PIKFYVE: variants seen among roughly 807,000 people sequenced by gnomAD.
The protein encoded by PIKFYVE is phosphoinositide kinase, FYVE-type zinc finger containing, also known as 1-phosphatidylinositol 3-phosphate 5-kinase.
Under a neutral mutation model 257.9 loss-of-function variants are expected in PIKFYVE, and 122 were observed. The observed-to-expected ratio is 0.47, with a 90% CI of 0.41 to 0.55. The LOEUF (loss-of-function observed/expected upper bound fraction) is 0.55, where lower values mean the gene tolerates loss of function less well. PIKFYVE is among the 20% of genes least tolerant of loss of function. The pLI is 0.00. For missense variants in PIKFYVE, 2,160 were observed against 2,536.6 expected, an observed-to-expected ratio of 0.85 and a Z score of 3.19; for synonymous variants, 892 against 868.9, an observed-to-expected ratio of 1.03 and a Z score of -0.47.
intron 7 of PIKFYVE, among the ~76,000 whole-genome samples, chr2:208,292,772 C>G (rs1346714840): frequency 6.6e-6 from 1 of 151,772 alleles, no homozygotes; most frequent in Non-Finnish European, 1.5e-5. Flanking sequence ...CATTTTGACC[C>G]TTCACTTATT....
chr2:208,357,404 C>G lies in PIKFYVE; in HGVS notation c.*2099C>G, dbSNP rs899352034. On this transcript the variant is annotated 3_prime_UTR_variant, in exon 42 of 42. Coordinates refer to ENST00000264380, the MANE Select transcript of PIKFYVE (RefSeq NM_015040.4). ...TAGGTTGTTTCTTTGTTTTTAGTTTCAATTCTATGTGCATAGCAGGAATGC... is the reference window on the plus strand; with the variant it reads ...TAGGTTGTTTCTTTGTTTTTAGTTTGAATTCTATGTGCATAGCAGGAATGC... 4 of 152,208 alleles carry G rather than the reference C, an allele frequency of 2.6e-5. No individual in the cohort carries two copies. Among genetic ancestry groups the G allele is most frequent in the African/African-American group, 9.7e-5 (4 of 41,444 alleles). The allele number at this position is 152,208 out of a possible 1,614,324, so 9.4% of individuals were successfully genotyped here.
At chr2:208,350,598 G>GT (rs1321136856) in intron 36 of PIKFYVE, among the ~76,000 whole-genome samples, 173 bp from the exon 37 acceptor site, 5 of 151,920 alleles carry the variant, frequency 3.3e-5, no homozygotes, top group African/African-American at 1.2e-4. Context: ...AATTCCCCCT[G>GT]AAGATCAGTT....
intron 17 of PIKFYVE, 27 bp downstream of exon 17, chr2:208,320,386 A>G (rs1365426341): frequency 6.2e-7 from 1 of 1,606,936 alleles, no homozygotes; most frequent in Non-Finnish European, 8.5e-7. Flanking sequence ...GAAAATAATA[A>G]TTTAGAGGGA....
intron 34 of PIKFYVE, among the ~76,000 whole-genome samples, chr2:208,346,458 AC>A (rs1229784196): frequency 5.3e-5 from 8 of 152,196 alleles, no homozygotes; most frequent in African/African-American, 1.9e-4. Context: ...GATGCAAGAT[AC>A]GTTTTTTTCC....
rs1696074507 is a variant in PIKFYVE, at chr2:208,320,378, AAAT to A, written c.2190+26_2190+28del. 3.1e-6 allele frequency: 5 copies of A among 1,609,424 alleles called. No homozygotes were observed. Among genetic ancestry groups the A allele is most frequent in the Non-Finnish European group, 4.2e-6 (5 of 1,176,742 alleles). ...GCTTCAGGTAAGAATTTACTACTGA[AAAT>A]AATAATTTAGAGGGATGTTTGTGTA... On this transcript the variant is annotated intron_variant, in intron 17 of 41. Coordinates refer to ENST00000264380, the MANE Select transcript of PIKFYVE (RefSeq NM_015040.4).
rs1232936686 is a variant in PIKFYVE, at chr2:208,336,891, C to T, written c.4574C>T (p.Pro1525Leu). 1 of 1,613,006 alleles carries T rather than the reference C, an allele frequency of 6.2e-7. No homozygotes were observed. The highest frequency in any genetic ancestry group is 8.5e-7 in the Non-Finnish European group (1 of 1,179,400). ...EKGRKRPSVPPSPGRLRQGEE... is the reference protein window; with the variant it reads ...EKGRKRPSVPLSPGRLRQGEE... Reference sequence around the variant, plus strand: ...GGTAGAAAGAGACCTTCAGTTCCTCCAAGTCCTGGAAGACTGAGACAAGGG... The same window carrying T: ...GGTAGAAAGAGACCTTCAGTTCCTCTAAGTCCTGGAAGACTGAGACAAGGG... The change falls in exon 28 of 42, where the codon CCA becomes CTA. Residue 1525 changes from proline to leucine, a missense_variant. Pro to Leu is a moderately conservative substitution (Grantham distance 98). Coordinates refer to ENST00000264380, the MANE Select transcript of PIKFYVE (RefSeq NM_015040.4).
chr2:208,316,881 G>A (rs1251752224), intron 15 of PIKFYVE, among the ~76,000 whole-genome samples: 1 of 152,176 alleles, frequency 6.6e-6, no homozygotes, highest in Non-Finnish European at 1.5e-5. Flanking sequence ...AAGCAATGGG[G>A]AAAGGATTCC....
Position 208,325,610 on chromosome 2 carries a change from G to A in PIKFYVE, c.2799G>A (p.Arg933=), listed in dbSNP as rs1468200206. 1 of 1,613,998 alleles carries A rather than the reference G, an allele frequency of 6.2e-7. No individual in the cohort carries two copies. Among genetic ancestry groups the A allele is most frequent in the East Asian group, 2.2e-5 (1 of 44,882 alleles). ...PCDDSSLLEL[R]IVFEKGEQEN... ...ATGATAGCAGTTTGCTGGAATTGAG[G>A]ATTGTGTTTGAGAAGGGTGAGCAGG... Residue 933 remains arginine (R), a synonymous_variant, in exon 20 of 42, where the codon AGG becomes AGA. Transcript: ENST00000264380.
chr2:208,338,310 C>A (rs1698364381), intron 28 of PIKFYVE, among the ~76,000 whole-genome samples, 198 bp from the exon 29 acceptor site: 1 of 151,742 alleles, frequency 6.6e-6, no homozygotes. Context: ...TAATAACTTT[C>A]TCTGTTTTAA....
At chr2:208,319,295 C>T (rs989975190) in intron 16 of PIKFYVE, among the ~76,000 whole-genome samples, 8 of 152,186 alleles carry the variant, frequency 5.3e-5, no homozygotes, top group Non-Finnish European at 1.2e-4. Context: ...ATATACTTGG[C>T]TTGAGTTTTG....
chr2:208,347,617 A>C (rs1402339986), intron 34 of PIKFYVE, among the ~76,000 whole-genome samples: 3 of 152,112 alleles, frequency 2.0e-5, no homozygotes, highest in Non-Finnish European at 4.4e-5. Flanking sequence ...TTAACCTTCT[A>C]TCTTTTTTTA....
chr2:208,272,223 T>C (rs1316723550), intron 2 of PIKFYVE, among the ~76,000 whole-genome samples: 1 of 151,052 alleles, frequency 6.6e-6, no homozygotes, highest in Non-Finnish European at 1.5e-5. Context: ...TGACAGAGCG[T>C]GACTCCATCT....
chr2:208,326,462 A>C, intron 20 of PIKFYVE, 33 bp downstream of exon 20: 1 of 1,600,540 alleles, frequency 6.2e-7, no homozygotes, highest in South Asian at 1.1e-5. Flanking sequence ...GCTCCTGTGC[A>C]TTTAGGATGT....
rs1394437164 is a variant in PIKFYVE at position 208,357,828 on chromosome 2, C to T, written c.*2523C>T. The T allele has an allele frequency of 2.0e-5, 3 of 152,138 alleles. No individual in the cohort carries two copies. The East Asian group carries it at 5.8e-4, about 29-fold the overall frequency. The allele number at this position is 152,138 out of a possible 1,614,324, so 9.4% of individuals were successfully genotyped here. A position where few individuals can be genotyped will look rare whatever the true frequency, so the allele number is the denominator to read the frequency against. ...AATGAGGAAGAAATCTTAATACTTC[C>T]TTCCTTAACATACAACATGAGTCCC... On this transcript the variant is annotated 3_prime_UTR_variant, in exon 42 of 42. Coordinates refer to ENST00000264380, the MANE Select transcript of PIKFYVE (RefSeq NM_015040.4).
At chr2:208,281,974 A>G (rs993416561) in intron 5 of PIKFYVE, among the ~76,000 whole-genome samples, 3 of 152,200 alleles carry the variant, frequency 2.0e-5, no homozygotes, top group Non-Finnish European at 4.4e-5. Context: ...CAGATAATTT[A>G]TACAGTTCTT....
In PIKFYVE at chr2:208,335,892, A is replaced by T; in HGVS notation, c.4356A>T (p.Ala1452=). The change falls in exon 26 of 42, where the codon GCA becomes GCT. Residue 1452 remains alanine (A), a synonymous_variant. Transcript: ENST00000264380. The part of the protein sequence containing the change: ...TREEKMEDIF[A]QKEMEEGEFK... ...AGGAAAAAATGGAAGATATTTTTGC[A>T]CAGAAAGAGGTAATTTATTTCTTTG... 6.2e-7 allele frequency: 1 copy of T among 1,607,572 alleles called. No homozygotes were observed. The highest frequency in any genetic ancestry group is 8.5e-7 in the Non-Finnish European group (1 of 1,174,636).
At chr2:208,339,607 T>C (rs759412525) in intron 30 of PIKFYVE, 52 bp downstream of exon 30, 2 of 1,596,248 alleles carry the variant, frequency 1.3e-6, no homozygotes, top group Non-Finnish European at 8.6e-7. Context: ...GACTGAAAGA[T>C]ATATCATTGA....
In PIKFYVE at chr2:208,310,437, G is replaced by A. The variant is rs1378370074; in HGVS notation, c.1637-1799G>A. On this transcript the variant is annotated intron_variant, in intron 12 of 41. Coordinates refer to ENST00000264380, the MANE Select transcript of PIKFYVE (RefSeq NM_015040.4). ...GAGAAAACCCTATTTTCAGAAGCTC[G>A]TAAAACTGGCTTAATTTTTCATTAT... Among the ~76,000 whole-genome samples, 6 of 152,112 alleles carry A rather than the reference G, an allele frequency of 3.9e-5. No homozygotes were observed. In the East Asian group the frequency reaches 9.6e-4, roughly 24 times the overall value.
intron 40 of PIKFYVE, 40 bp downstream of exon 40, chr2:208,354,199 G>A: frequency 1.9e-6 from 3 of 1,596,230 alleles, no homozygotes; most frequent in East Asian, 2.2e-5. Flanking sequence ...CATGATTGAA[G>A]TCAGAGTCAA....
Sources: gnomAD v4.1 joint callset for allele counts (sites outside exome capture counted in the v4.1 genomes callset) on GRCh38, gnomAD v4.1.1 for gene constraint, MANE v1.5 for transcripts, NCBI Gene and HGNC (gene_info 2026-07-23, HGNC 2026-07-21) for gene names.